The following MREG variants were observed in gnomAD, a reference collection of about 807,000 sequenced individuals.
MREG encodes melanoregulin, also known as dilute suppressor protein homolog.
Under a neutral mutation model 28.5 loss-of-function variants are expected in MREG, and 31 were observed. The observed-to-expected ratio is 1.09, with a 90% CI of 0.82 to 1.47. MREG has a LOEUF of 1.47. Ranked by LOEUF, MREG falls within the 40% of genes most tolerant of loss-of-function variation. The pLI is 0.00. For missense variants in MREG, 256 were observed against 257.4 expected (o/e 0.99, Z 0.04); for synonymous variants, 106 against 95.2 (o/e 1.11, Z -0.66).
intron 1 of MREG, among the ~76,000 whole-genome samples, chr2:216,006,347 T>C (rs1163091962): frequency 2.0e-5 from 3 of 152,248 alleles, no homozygotes; most frequent in African/African-American, 7.2e-5. Flanking sequence ...GCCCAGTCCC[T>C]GGGACAGCAC....
intron 2 of MREG, among the ~76,000 whole-genome samples, chr2:215,991,981 G>A (rs1574634409): frequency 1.3e-5 from 2 of 152,262 alleles, no homozygotes; most frequent in African/African-American, 4.8e-5. Context: ...AGAGGAGCTG[G>A]TACCATTCCT....
At chr2:215,969,790 C>G (rs1033024702) in intron 2 of MREG, among the ~76,000 whole-genome samples, 1 of 151,074 alleles carries the variant, frequency 6.6e-6, no homozygotes, top group Non-Finnish European at 1.5e-5. Context: ...AACTGTCTCC[C>G]AATATGGAGG....
At chr2:215,987,246 A>C (rs563201044) in intron 2 of MREG, among the ~76,000 whole-genome samples, 2 of 150,762 alleles carry the variant, frequency 1.3e-5, no homozygotes, top group Non-Finnish European at 2.9e-5. Context: ...AGAAAACATA[A>C]GCAACTTTTT....
chr2:216,032,566 G>T (rs1694725646), intron 1 of MREG, among the ~76,000 whole-genome samples: 2 of 152,180 alleles, frequency 1.3e-5, no homozygotes, highest in Non-Finnish European at 2.9e-5. Flanking sequence ...CAGGTCAGAA[G>T]GCAATAGCTT....
At chr2:215,946,701 C>T (rs1188773255) in intron 3 of MREG, among the ~76,000 whole-genome samples, 1 of 152,144 alleles carries the variant, frequency 6.6e-6, no homozygotes, top group Non-Finnish European at 1.5e-5. Flanking sequence ...TTGGCCAACA[C>T]CCCATCTAAT....
At chr2:216,004,827 T>C (rs534889381) in intron 1 of MREG, among the ~76,000 whole-genome samples, 4 of 152,196 alleles carry the variant, frequency 2.6e-5, no homozygotes, top group Admixed American at 1.3e-4. Flanking sequence ...AAGAAATACA[T>C]AGTGAGTAAG....
intron 2 of MREG, among the ~76,000 whole-genome samples, chr2:215,978,499 C>T (rs1003108552): frequency 1.3e-5 from 2 of 152,090 alleles, no homozygotes; most frequent in Admixed American, 6.6e-5. Context: ...TACCAATCAA[C>T]AGAAAAAGAA....
At chr2:216,006,186 A>G (rs1466325369) in intron 1 of MREG, among the ~76,000 whole-genome samples, 1 of 152,250 alleles carries the variant, frequency 6.6e-6, no homozygotes, top group Non-Finnish European at 1.5e-5. Context: ...CTTCTCGGGA[A>G]CTTCCAATGG....
chr2:216,000,379 G>C (rs1559193907), intron 1 of MREG, among the ~76,000 whole-genome samples: 1 of 152,012 alleles, frequency 6.6e-6, no homozygotes, highest in Non-Finnish European at 1.5e-5. Context: ...TACCTGTGTG[G>C]ATGCTCCCTG....
intron 2 of MREG, among the ~76,000 whole-genome samples, chr2:215,968,602 C>T (rs913352584): frequency 6.6e-6 from 1 of 152,184 alleles, no homozygotes; most frequent in Non-Finnish European, 1.5e-5. Flanking sequence ...ACGCCCAGGG[C>T]CTACTGATGC....
At chr2:216,023,811 G>A (rs1308737927) in intron 1 of MREG, among the ~76,000 whole-genome samples, 2 of 152,082 alleles carry the variant, frequency 1.3e-5, no homozygotes, top group Admixed American at 6.5e-5. Context: ...GGGATTACAG[G>A]CACCCACGAC....
At chr2:216,019,935 C>A (rs929409426) in intron 1 of MREG, among the ~76,000 whole-genome samples, 24 of 152,220 alleles carry the variant, frequency 1.6e-4, no homozygotes, top group African/African-American at 5.8e-4. Flanking sequence ...ATAACTTCTC[C>A]TCAAAATTCA....
At chr2:215,968,956 G>T (rs1693016020) in intron 2 of MREG, among the ~76,000 whole-genome samples, 1 of 152,108 alleles carries the variant, frequency 6.6e-6, no homozygotes, top group Non-Finnish European at 1.5e-5. Flanking sequence ...ATGAGGTCTT[G>T]CTATGTTGCT....
chr2:215,966,152 GA>G (rs1692932398), intron 2 of MREG, among the ~76,000 whole-genome samples: 1 of 151,778 alleles, frequency 6.6e-6, no homozygotes, highest in African/African-American at 2.4e-5. Context: ...TAGGGAGGGA[GA>G]GGGGGTCCCA....
rs145690195 is a variant in MREG at position 215,951,684 on chromosome 2, GT to G, written c.256-4572del. 2.9e-3 allele frequency among the ~76,000 whole-genome samples: 447 copies of G among 152,164 alleles called. 3 individuals carry two copies. Among genetic ancestry groups the G allele is most frequent in the African/African-American group, 0.01 (421 of 41,506 alleles). ...AGATGTTTATAGCTGAATTCTTGGG[GT>G]TTTTTTCCTCGTCAGTTGTTGGCCA... On this transcript the variant is annotated intron_variant, in intron 2 of 4. Transcript: ENST00000263268.
intron 2 of MREG, among the ~76,000 whole-genome samples, chr2:215,969,894 A>G (rs1417285045): frequency 6.6e-6 from 1 of 152,168 alleles, no homozygotes; most frequent in African/African-American, 2.4e-5. Context: ...AGAGGGAAAG[A>G]AAAAACCTTG....
At chr2:216,015,146 C>A (rs1559200240), upstream of MREG, among the ~76,000 whole-genome samples, 1 of 151,668 alleles carries the variant, frequency 6.6e-6, no homozygotes, top group African/African-American at 2.4e-5. Context: ...TGCGTCTGTG[C>A]GTGCGTACGT....
chr2:215,954,458 A>ACACACACACG (rs1692569262), intron 2 of MREG, among the ~76,000 whole-genome samples: 1 of 151,262 alleles, frequency 6.6e-6, no homozygotes, highest in Non-Finnish European at 1.5e-5. Flanking sequence ...ACACACACAC[A>ACACACACACG]CACACACACA....
At chr2:216,006,324 C>G (rs568344109) in intron 1 of MREG, among the ~76,000 whole-genome samples, 3 of 152,198 alleles carry the variant, frequency 2.0e-5, no homozygotes, top group African/African-American at 7.2e-5. Flanking sequence ...CCCTCCTACG[C>G]GTTGGGCCTA....
Sources: gnomAD v4.1 joint callset for allele counts (sites outside exome capture counted in the v4.1 genomes callset) on GRCh38, gnomAD v4.1.1 for gene constraint, MANE v1.5 for transcripts, NCBI Gene and HGNC (gene_info 2026-07-23, HGNC 2026-07-21) for gene names.